Variants in ZFHX3 observed in about 807,000 individuals in gnomAD.
ZFHX3 encodes zinc finger homeobox 3.
A neutral mutation model predicts 279.1 loss-of-function variants in ZFHX3; 42 were observed. The ratio of observed to expected loss-of-function variants is 0.15; its 90% CI spans 0.12 to 0.19. ZFHX3 has a LOEUF of 0.19. ZFHX3 is among the 10% of genes least tolerant of loss of function. The probability of loss-of-function intolerance (pLI) is 1.00; values close to 1 mark genes in which losing one functional copy is unlikely to be tolerated. For synonymous variants in ZFHX3, 2,293 were observed against 1,957.8 expected, an observed-to-expected ratio of 1.17 and a Z score of -4.52; for missense variants, 4,981 against 4,754.0, an observed-to-expected ratio of 1.05 and a Z score of -1.40.
intron 2 of ZFHX3, among the ~76,000 whole-genome samples, chr16:73,571,233 A>AT (rs11403987): frequency 0.35 from 52,804 of 151,788 alleles, 10,267 homozygotes; most frequent in Non-Finnish European, 0.45. Context: ...TTGAAAATGC[A>AT]TTTTTTTCCT....
chr16:73,325,920 C>A (rs796358955), intron 3 of ZFHX3, among the ~76,000 whole-genome samples: 2 of 71,352 alleles, frequency 2.8e-5, no homozygotes, highest in South Asian at 4.4e-4. Context: ...CACACACACA[C>A]ACACACAAAC....
intron 5 of ZFHX3, among the ~76,000 whole-genome samples, chr16:73,245,048 T>C (rs1181129033): frequency 2.0e-5 from 3 of 152,142 alleles, no homozygotes; most frequent in Non-Finnish European, 4.4e-5. Context: ...AGCAACCTAT[T>C]CTTGGAAACT....
chr16:73,521,182 T>C (rs2019602935), intron 2 of ZFHX3, among the ~76,000 whole-genome samples: 1 of 152,188 alleles, frequency 6.6e-6, no homozygotes, highest in African/African-American at 2.4e-5. Context: ...GTTGGTTAGT[T>C]GGTTGGTTAC....
chr16:73,464,972 G>C (rs575728839), intron 2 of ZFHX3, among the ~76,000 whole-genome samples: 2 of 152,346 alleles, frequency 1.3e-5, no homozygotes, highest in African/African-American at 4.8e-5. Context: ...CGGGAGGGGA[G>C]AGCCTCGCCT....
At chr16:73,685,669 T>C (rs999883952) in intron 1 of ZFHX3, among the ~76,000 whole-genome samples, 1 of 152,158 alleles carries the variant, frequency 6.6e-6, no homozygotes, top group Non-Finnish European at 1.5e-5. Flanking sequence ...TAACATAGAG[T>C]AGAAATTTCT....
intron 4 of ZFHX3, among the ~76,000 whole-genome samples, chr16:73,302,419 T>C (rs1418160798): frequency 6.6e-6 from 1 of 152,216 alleles, no homozygotes; most frequent in Non-Finnish European, 1.5e-5. Context: ...GGATATTCCT[T>C]CAGATGTCTA....
intron 1 of ZFHX3, among the ~76,000 whole-genome samples, chr16:73,037,953 G>A (rs564894249): frequency 2.6e-4 from 39 of 152,234 alleles, no homozygotes; most frequent in Non-Finnish European, 4.4e-4. Flanking sequence ...CGGTTATCTG[G>A]GAAGCTGCAC....
intron 3 of ZFHX3, among the ~76,000 whole-genome samples, chr16:73,446,119 T>C (rs1217043188): frequency 6.6e-6 from 1 of 152,194 alleles, no homozygotes; most frequent in Non-Finnish European, 1.5e-5. Flanking sequence ...AACACAAAGT[T>C]ATGGTCTATT....
chr16:73,684,542 C>T (rs1477641125), intron 1 of ZFHX3, among the ~76,000 whole-genome samples: 1 of 152,110 alleles, frequency 6.6e-6, no homozygotes, highest in African/African-American at 2.4e-5. Context: ...CCAAACATAC[C>T]CATATCCTAC....
rs749828371 is a variant in ZFHX3 at position 73,450,687 on chromosome 16, C to T, written c.-1291+5316G>A. 2.0e-5 allele frequency among the ~76,000 whole-genome samples: 3 copies of T among 152,306 alleles called. No homozygotes were observed. The South Asian group carries it at 6.2e-4, about 32-fold the overall frequency. On this transcript the variant is annotated intron_variant, in intron 3 of 17. Coordinates refer to the ZFHX3 transcript ENST00000641206. ...GCCAGATCCCTAACTCCGAATCTTT[C>T]ATATTTTAATCCTCAAGGTTTCCTG...
chr16:73,313,218 G>C (rs190817757), intron 4 of ZFHX3, among the ~76,000 whole-genome samples: 1 of 152,286 alleles, frequency 6.6e-6, no homozygotes, highest in Admixed American at 6.5e-5. Flanking sequence ...ATGACTGTAA[G>C]TTTCCTGAGG....
chr16:73,823,209 G>A lies in ZFHX3; in HGVS notation c.-1608+68442C>T, dbSNP rs552763319. ...CATGAGGTCAGGGAAAGCTTAAGTA[G>A]GCTAAGACCTTACACCAAAGTAGGA... On this transcript the variant is annotated intron_variant, in intron 1 of 17. Coordinates refer to the ZFHX3 transcript ENST00000641206. Among the ~76,000 whole-genome samples the A allele has an allele frequency of 3.9e-5, 6 of 152,284 alleles. 1 individual carries two copies. In the East Asian group the frequency reaches 1.2e-3, roughly 29 times the overall value.
intron 2 of ZFHX3, among the ~76,000 whole-genome samples, chr16:73,629,851 A>G (rs944215459): frequency 6.6e-6 from 1 of 152,246 alleles, no homozygotes; most frequent in African/African-American, 2.4e-5. Flanking sequence ...CAGGTTGCAT[A>G]CAAAATTCAA....
At chr16:73,598,965 C>T (rs992350899) in intron 2 of ZFHX3, among the ~76,000 whole-genome samples, 6 of 151,880 alleles carry the variant, frequency 4.0e-5, no homozygotes, top group Non-Finnish European at 8.8e-5. Flanking sequence ...GTTTCACCAT[C>T]GTGGCCAGGC....
intron 4 of ZFHX3, among the ~76,000 whole-genome samples, chr16:72,839,140 C>T (rs1051883023): frequency 1.3e-5 from 2 of 152,044 alleles, no homozygotes; most frequent in African/African-American, 4.8e-5. Context: ...TGTAGCAGAG[C>T]GTGATGTGAT....
chr16:73,441,751 T>G (rs1390876200), intron 3 of ZFHX3, among the ~76,000 whole-genome samples: 5 of 152,118 alleles, frequency 3.3e-5, no homozygotes, highest in African/African-American at 4.8e-5. Flanking sequence ...ATTTCCTAGA[T>G]GAGTAATTTT....
At chr16:73,016,345 A>G (rs572363951) in intron 1 of ZFHX3, among the ~76,000 whole-genome samples, 1 of 152,314 alleles carries the variant, frequency 6.6e-6, no homozygotes, top group South Asian at 2.1e-4. Context: ...TTTAGCACAC[A>G]TGTACAAGGC....
chr16:73,072,229 G>T (rs547064352), intron 8 of ZFHX3, among the ~76,000 whole-genome samples: 2 of 152,212 alleles, frequency 1.3e-5, no homozygotes, highest in East Asian at 3.9e-4. Context: ...TGGATCACTG[G>T]AGGTCAGGAG....
chr16:73,730,535 G>A (rs954902611), intron 1 of ZFHX3, among the ~76,000 whole-genome samples: 1 of 152,080 alleles, frequency 6.6e-6, no homozygotes, highest in Non-Finnish European at 1.5e-5. Flanking sequence ...AAGCTGAGGA[G>A]AGCGGGCAAG....
Sources: allele counts gnomAD v4.1 joint callset (sites outside exome capture counted in the v4.1 genomes callset), GRCh38; gene constraint gnomAD v4.1.1; transcripts MANE v1.5; gene names NCBI Gene and HGNC (gene_info 2026-07-23, HGNC 2026-07-21).